HSD17B2: variants seen among roughly 807,000 people sequenced by gnomAD.
HSD17B2 encodes the protein 17-beta-hydroxysteroid dehydrogenase type 2.
HSD17B2 carries 32 observed loss-of-function variants against 26.9 expected under a neutral mutation model. The ratio of observed to expected loss-of-function variants is 1.19; its 90% confidence interval spans 0.90 to 1.60. The LOEUF (loss-of-function observed/expected upper bound fraction) is 1.60, where lower values mean the gene tolerates loss of function less well. HSD17B2 is among the 40% of genes most tolerant of loss of function. The pLI, the probability that HSD17B2 is intolerant of heterozygous loss-of-function variation, is 0.00. For missense variants in HSD17B2, 613 were observed against 468.6 expected (o/e 1.31, Z -2.85); for synonymous variants, 246 against 186.7 (o/e 1.32, Z -2.59).
chr16:82,092,958 A>T (rs1331892429), intron 4 of HSD17B2: 2 of 152,200 alleles, frequency 1.3e-5, no homozygotes, highest in African/African-American at 2.4e-5. Flanking sequence ...ACGAGAGAGC[A>T]ATCCTGCAGT....
chr16:82,091,150 A>C, intron 4 of HSD17B2, 111 bp downstream of exon 4: 2 of 1,064,268 alleles, frequency 1.9e-6, no homozygotes, highest in Non-Finnish European at 2.9e-6. Flanking sequence ...AAAGATGAGC[A>C]CAGCCAGAGA....
intron 3 of HSD17B2, among the ~76,000 whole-genome samples, chr16:82,085,145 A>C (rs1158929376): frequency 1.3e-5 from 2 of 152,250 alleles, no homozygotes; most frequent in African/African-American, 4.8e-5. Flanking sequence ...GTTCTGTCTC[A>C]GTCCAGACTG....
At position 82,071,018 on chromosome 16, in the gene HSD17B2, CAA is replaced by C; in HGVS notation, c.557_558del (p.Lys186ThrfsTer22). ...GGGAGCTTCTTCTTATGACTGACTA[CAA>C]ACAATGCATGGCCGTGAACTTCTTT... ...DGELLLMTDY[K>X]QCMAVNFFGT... On this transcript the variant is annotated frameshift_variant, in exon 3 of 5. Transcript: ENST00000199936. LOFTEE classifies it high-confidence loss of function. The C allele has an allele frequency of 6.2e-7, 1 of 1,614,208 alleles. No homozygotes were observed.
intron 1 of HSD17B2, among the ~76,000 whole-genome samples, chr16:82,040,026 A>C (rs952296800): frequency 2.5e-4 from 38 of 152,354 alleles, no homozygotes; most frequent in African/African-American, 8.9e-4. Flanking sequence ...TTCCAGCCTA[A>C]TTGGTTAAGT....
At chr16:82,054,124 C>T (rs1914192653) in intron 1 of HSD17B2, among the ~76,000 whole-genome samples, 1 of 151,056 alleles carries the variant, frequency 6.6e-6, no homozygotes, top group African/African-American at 2.4e-5. Flanking sequence ...AAGATGAACT[C>T]TCATCTCTCA....
rs768420148 is a variant in HSD17B2, at chr16:82,035,439, C to A, written c.15C>A (p.Phe5Leu). 2 of 1,611,814 alleles carry A rather than the reference C, an allele frequency of 1.2e-6. No individual in the cohort carries two copies. Among genetic ancestry groups the A allele is most frequent in the South Asian group, 2.2e-5 (2 of 91,012 alleles). MSTFFSDTAWICLAV... is the reference protein window; with the variant it reads MSTFLSDTAWICLAV... Reference sequence around the variant, plus strand: ...AGTCACTGAGAATGAGCACTTTCTTCTCGGACACAGCATGGATCTGCCTGG... The same window carrying A: ...AGTCACTGAGAATGAGCACTTTCTTATCGGACACAGCATGGATCTGCCTGG... The change falls in exon 1 of 5, where the codon TTC becomes TTA. Residue 5 changes from phenylalanine to leucine, a missense_variant. By Grantham distance (22) the Phe-to-Leu change is conservative. Transcript: ENST00000199936.
chr16:82,035,337 G>A lies in HSD17B2; in HGVS notation c.-88G>A, dbSNP rs1008085210. On this transcript the variant is annotated 5_prime_UTR_variant, in exon 1 of 5. Transcript: ENST00000199936. ...TTCTCCCCTCCCTTCTTGACTCTCT[G>A]TTCACAGAACTCAGGCTGCCTCCAG... is the stretch of plus-strand genomic sequence containing the variant. 2 of 1,332,320 alleles carry A rather than the reference G, an allele frequency of 1.5e-6. No individual in the cohort carries two copies. The highest frequency in any genetic ancestry group is 1.0e-6 in the Non-Finnish European group (1 of 958,512). The allele number at this position is 1,332,320 out of a possible 1,614,324, so 82.5% of individuals were successfully genotyped here.
chr16:82,094,700 A>G (rs1904789493), intron 4 of HSD17B2: 1 of 152,244 alleles, frequency 6.6e-6, no homozygotes, highest in African/African-American at 2.4e-5. Flanking sequence ...CTTCAGGGAC[A>G]CAGACAAGGA....
At chr16:82,083,414 C>T (rs911777609) in intron 3 of HSD17B2, among the ~76,000 whole-genome samples, 10 of 152,142 alleles carry the variant, frequency 6.6e-5, no homozygotes, top group African/African-American at 2.4e-4. Context: ...AATCCGGTCT[C>T]TACCAATGAC....
Position 82,071,101 on chromosome 16 carries a change from G to C in HSD17B2, c.638G>C (p.Arg213Thr), listed in dbSNP as rs753577590. 3 of 1,614,194 alleles carry C rather than the reference G, an allele frequency of 1.9e-6. No homozygotes were observed. The highest frequency in any genetic ancestry group is 2.5e-6 in the Non-Finnish European group (3 of 1,180,046). ...FLPLLRKSKG[R>T]LVNVSSMGGG... ...CCTCTTCTTAGAAAATCCAAAGGGA[G>C]GCTGGTGAATGTCAGCAGCATGGGA... Residue 213 changes from arginine (R) to threonine (T), a missense_variant, in exon 3 of 5, where the codon AGG becomes ACG. Transcript: ENST00000199936.
Position 82,090,885 on chromosome 16 carries a change from T to A in HSD17B2, c.665-17T>A, listed in dbSNP as rs1465899600. 1 of 1,582,436 alleles carries A rather than the reference T, an allele frequency of 6.3e-7. No individual in the cohort carries two copies. Among genetic ancestry groups the A allele is most frequent in the South Asian group, 1.2e-5 (1 of 86,058 alleles). ...ACATTTCTAACTTTGCTTCTTTTTCTCCCATTATTCCCATAGGAGGGGCCC... is the reference window on the plus strand; with the variant it reads ...ACATTTCTAACTTTGCTTCTTTTTCACCCATTATTCCCATAGGAGGGGCCC... On this transcript the variant is annotated splice_polypyrimidine_tract_variant and intron_variant, in intron 3 of 4. Coordinates refer to ENST00000199936, the MANE Select transcript of HSD17B2 (RefSeq NM_002153.3).
At chr16:82,053,458 A>ATTT (rs1914169913) in intron 1 of HSD17B2, among the ~76,000 whole-genome samples, 2 of 152,088 alleles carry the variant, frequency 1.3e-5, no homozygotes, top group African/African-American at 4.8e-5. Context: ...TTTATTTATT[A>ATTT]TTAAAGTAGC....
intron 4 of HSD17B2, chr16:82,097,119 C>T (rs891409757): frequency 2.6e-5 from 4 of 151,486 alleles, no homozygotes; most frequent in South Asian, 2.1e-4. Flanking sequence ...TCCTCCAACT[C>T]GTGGGCTCGA....
At chr16:82,091,169 A>C (rs767053690) in intron 4 of HSD17B2, 130 bp downstream of exon 4, 1 of 946,034 alleles carries the variant, frequency 1.1e-6, no homozygotes, top group South Asian at 1.3e-5. Flanking sequence ...GATCAGTTAA[A>C]GGGGTGAAAA....
chr16:82,063,081 T>C (rs1914485427), intron 1 of HSD17B2: 1 of 152,358 alleles, frequency 6.6e-6, no homozygotes, highest in Non-Finnish European at 1.5e-5. Flanking sequence ...GGGGGTGTTA[T>C]GATAATCCTA....
Position 82,086,707 on chromosome 16 carries a change from A to G in HSD17B2, c.665-4195A>G, listed in dbSNP as rs73604907. On this transcript the variant is annotated intron_variant, in intron 3 of 4. Transcript: ENST00000199936. ...TCCATAGTTCTGTACATTATTGATT[A>G]AGGCAGGTCTTGTTGTTGACTACGT... Among the ~76,000 whole-genome samples the G allele has an allele frequency of 2.7e-3, 413 of 152,344 alleles. 2 individuals are homozygous for G. The highest frequency in any genetic ancestry group is 9.5e-3 in the African/African-American group (394 of 41,594).
chr16:82,060,100 A>G (rs1310597983), intron 1 of HSD17B2, among the ~76,000 whole-genome samples: 1 of 152,160 alleles, frequency 6.6e-6, no homozygotes, highest in East Asian at 1.9e-4. Flanking sequence ...GTTTTGTTGT[A>G]TTTCTCTAAC....
chr16:82,078,390 TCCTGGTAAGGATGTG>T (rs1301001362), intron 3 of HSD17B2, among the ~76,000 whole-genome samples: 1 of 152,130 alleles, frequency 6.6e-6, no homozygotes, highest in Non-Finnish European at 1.5e-5. Flanking sequence ...CAATAACAAA[TCCTGGTAAGGATGTG>T]GAGAAAGAGA....
intron 3 of HSD17B2, among the ~76,000 whole-genome samples, chr16:82,072,798 G>A (rs907131467): frequency 1.3e-5 from 2 of 152,190 alleles, no homozygotes; most frequent in African/African-American, 2.4e-5. Flanking sequence ...GCTCAAGGAT[G>A]TAACTCCAGC....
Sources: gnomAD v4.1 joint callset for allele counts (sites outside exome capture counted in the v4.1 genomes callset) on GRCh38, gnomAD v4.1.1 for gene constraint, MANE v1.5 for transcripts, NCBI Gene and HGNC (gene_info 2026-07-23, HGNC 2026-07-21) for gene names.